ZNF317: variants seen among roughly 807,000 people sequenced by gnomAD.
ZNF317 encodes the protein zinc finger protein 317.
A neutral mutation model predicts 23.4 loss-of-function variants in ZNF317; 17 were observed. The ratio of observed to expected loss-of-function variants is 0.73; its 90% confidence interval spans 0.50 to 1.09. ZNF317 has a LOEUF of 1.09. Ranked by LOEUF, ZNF317 falls within the 50% of genes least tolerant of loss-of-function variation. ZNF317 has a pLI of 0.00. For synonymous variants in ZNF317, 317 were observed against 314.9 expected (o/e 1.01, Z -0.07); for missense variants, 679 against 796.7 (o/e 0.85, Z 1.78).
intron 1 of ZNF317, among the ~76,000 whole-genome samples, chr19:9,147,811 C>T (rs930819377): frequency 2.0e-5 from 3 of 152,096 alleles, no homozygotes; most frequent in Admixed American, 2.0e-4. Context: ...CTCTCTGATA[C>T]AGTTTGGATG....
rs368941347 is a variant in ZNF317 at position 9,146,200 on chromosome 19, A to G, written c.-93+5608A>G. Among the ~76,000 whole-genome samples the G allele has an allele frequency of 5.5e-4, 84 of 151,938 alleles. 1 individual carries two copies. Among genetic ancestry groups the G allele is most frequent in the South Asian group, 3.5e-3 (17 of 4,814 alleles). On this transcript the variant is annotated intron_variant, in intron 1 of 6. Coordinates refer to ENST00000247956, the MANE Select transcript of ZNF317 (RefSeq NM_020933.5). ...TGTGTTGCATTTGAAATAGTTATGC[A>G]TGGAAGGTTTAATTGGGGCACCTAG...
intron 3 of ZNF317, 37 bp downstream of exon 3, chr19:9,156,785 G>A (rs777099801): frequency 6.2e-7 from 1 of 1,602,082 alleles, no homozygotes; most frequent in Non-Finnish European, 8.5e-7. Flanking sequence ...AGCAGGAGAG[G>A]CACTTCCTGG....
chr19:9,152,621 T>C (rs1393284122), intron 1 of ZNF317, among the ~76,000 whole-genome samples: 1 of 152,188 alleles, frequency 6.6e-6, no homozygotes, highest in Non-Finnish European at 1.5e-5. Context: ...TCCCATCACC[T>C]CCAGATGGGA....
At chr19:9,159,914 G>T (rs1258685791) in intron 6 of ZNF317, among the ~76,000 whole-genome samples, 200 bp from the exon 7 acceptor site, 1 of 152,220 alleles carries the variant, frequency 6.6e-6, no homozygotes, top group African/African-American at 2.4e-5. Flanking sequence ...CACATGTGGA[G>T]CCTTGTGGCC....
At chr19:9,154,085 C>G (rs1434976395) in intron 1 of ZNF317, among the ~76,000 whole-genome samples, 1 of 152,018 alleles carries the variant, frequency 6.6e-6, no homozygotes, top group Non-Finnish European at 1.5e-5. Flanking sequence ...GGGGATGGGC[C>G]TGGAGCAGAT....
At position 9,160,500 on chromosome 19, in the gene ZNF317, T is replaced by C. The variant is rs1310577218; in HGVS notation, c.855T>C (p.Asn285=). The change falls in exon 7 of 7, where the codon AAT becomes AAC. Residue 285 remains asparagine, a synonymous_variant. Coordinates refer to ENST00000247956, the MANE Select transcript of ZNF317 (RefSeq NM_020933.5). The surrounding 1 kb of genome is among the most constrained non-coding windows in gnomAD (Gnocchi z 6.8). Reference sequence around the variant, plus strand: ...CCTTTGACTGCAGTCAGTGTGGAAATGCATTCCGGACCCTCTCGGCCCTGA... The same window carrying C: ...CCTTTGACTGCAGTCAGTGTGGAAACGCATTCCGGACCCTCTCGGCCCTGA... The part of the protein sequence containing the change: ...EKPFDCSQCG[N]AFRTLSALKI... 1.2e-6 allele frequency: 2 copies of C among 1,613,954 alleles called. No homozygotes were observed. The highest frequency in any genetic ancestry group is 1.7e-6 in the Non-Finnish European group (2 of 1,179,988).
chr19:9,141,275 T>C (rs2050627356), intron 1 of ZNF317, among the ~76,000 whole-genome samples: 1 of 152,030 alleles, frequency 6.6e-6, no homozygotes, highest in South Asian at 2.1e-4. Flanking sequence ...AAAGTATGAT[T>C]ACACACACAC....
At position 9,151,213 on chromosome 19, in the gene ZNF317, G is replaced by A. The variant is rs532944258; in HGVS notation, c.-92-4712G>A. ...CAGTGACTTAATGTCAGAACCCAAAGGCACAATGACTAGAAAAGGGCTTTG... is the reference window on the plus strand; with the variant it reads ...CAGTGACTTAATGTCAGAACCCAAAAGCACAATGACTAGAAAAGGGCTTTG... On this transcript the variant is annotated intron_variant, in intron 1 of 6. Transcript: ENST00000247956. 2.6e-5 allele frequency among the ~76,000 whole-genome samples: 4 copies of A among 152,244 alleles called. No individual in the cohort carries two copies. The South Asian group carries it at 8.3e-4, about 32-fold the overall frequency.
At chr19:9,159,545 G>GT (rs374750547) in intron 6 of ZNF317, among the ~76,000 whole-genome samples, 8,767 of 146,424 alleles carry the variant, frequency 0.06, 276 homozygotes, top group Middle Eastern at 0.12. Flanking sequence ...TGTTGTTTTT[G>GT]TTTTTTGTTT....
chr19:9,146,578 C>T (rs2050685330), intron 1 of ZNF317, among the ~76,000 whole-genome samples: 1 of 151,816 alleles, frequency 6.6e-6, no homozygotes, highest in Admixed American at 6.6e-5. Context: ...CAGGCATGTG[C>T]CACCATGCCT....
intron 1 of ZNF317, among the ~76,000 whole-genome samples, chr19:9,141,747 T>C: frequency 6.6e-6 from 1 of 152,310 alleles, no homozygotes; most frequent in East Asian, 1.9e-4. Flanking sequence ...AGTTAATTGA[T>C]TTACATCATT....
chr19:9,157,372 C>T lies in ZNF317; in HGVS notation c.267C>T (p.Asn89=). Residue 89 remains asparagine, a synonymous_variant, in exon 4 of 7, where the codon AAC becomes AAT. Transcript: ENST00000247956. ...TGTACAAAGATGTAATGCTGGAGAA[C>T]TACAGCAACCTCACTTCACTGGGTA... ...RKLYKDVMLE[N]YSNLTSLGYQ... 1 of 1,614,056 alleles carries T rather than the reference C, an allele frequency of 6.2e-7. No individual in the cohort carries two copies.
In ZNF317 at chr19:9,161,014, G is replaced by A. The variant is rs746098165; in HGVS notation, c.1369G>A (p.Ala457Thr). ...GCDLCGKAFS[A>T]SSNLTAHRKI... is the part of the protein sequence containing the mutation. ...CGATCTCTGCGGGAAAGCTTTCAGC[G>A]CGAGTTCAAACCTCACCGCACACAG... Residue 457 changes from alanine (A) to threonine (T), a missense_variant, in exon 7 of 7, where the codon GCG becomes ACG. Physicochemically the swap from Ala to Thr is moderately conservative, Grantham distance 58 (BLOSUM62 0). Coordinates refer to ENST00000247956, the MANE Select transcript of ZNF317 (RefSeq NM_020933.5). This position sits in a 1 kb window ranked among gnomAD's most constrained non-coding sequence, Gnocchi z 4.0. The A allele has an allele frequency of 3.7e-6, 6 of 1,614,168 alleles. No individual in the cohort carries two copies. Among genetic ancestry groups the A allele is most frequent in the East Asian group, 4.5e-5 (2 of 44,860 alleles).
At chr19:9,155,222 G>C (rs1469134616) in intron 1 of ZNF317, among the ~76,000 whole-genome samples, 1 of 152,058 alleles carries the variant, frequency 6.6e-6, no homozygotes, top group Non-Finnish European at 1.5e-5. Flanking sequence ...TTTAGAGACA[G>C]AATCTTACTC....
intron 6 of ZNF317, among the ~76,000 whole-genome samples, chr19:9,159,366 AC>A (rs1361827324): frequency 2.0e-5 from 3 of 151,974 alleles, no homozygotes; most frequent in African/African-American, 4.8e-5. Context: ...GTGCCACCAC[AC>A]TTGGCTGATT....
At chr19:9,141,051 A>C (rs2050625048) in intron 1 of ZNF317, among the ~76,000 whole-genome samples, 1 of 151,016 alleles carries the variant, frequency 6.6e-6, no homozygotes, top group Non-Finnish European at 1.5e-5. Context: ...TTCTGGTTGC[A>C]CTTTTTTATT....
At chr19:9,148,811 G>C (rs1040324403) in intron 1 of ZNF317, among the ~76,000 whole-genome samples, 2 of 152,176 alleles carry the variant, frequency 1.3e-5, no homozygotes, top group African/African-American at 4.8e-5. Flanking sequence ...ATGCTTACCC[G>C]GTGTTCTGTG....
Position 9,160,247 on chromosome 19 carries a change from T to C in ZNF317, c.602T>C (p.Val201Ala), listed in dbSNP as rs940198305. The C allele has an allele frequency of 3.7e-6, 6 of 1,613,820 alleles. No individual in the cohort carries two copies. The highest frequency in any genetic ancestry group is 4.2e-6 in the Non-Finnish European group (5 of 1,179,998). The change falls in exon 7 of 7, where the codon GTA becomes GCA. Residue 201 changes from valine to alanine, a missense_variant. Val to Ala is a moderately conservative substitution (Grantham distance 64). Transcript: ENST00000247956. This position sits in a 1 kb window ranked among gnomAD's most constrained non-coding sequence, Gnocchi z 6.8. ...KRPYHRRDYGVAFKGRPHLTQ... is the reference protein window; with the variant it reads ...KRPYHRRDYGAAFKGRPHLTQ... ...CCCTATCACCGCCGCGACTATGGGG[T>C]AGCGTTCAAGGGCAGGCCGCACCTC...
At chr19:9,158,728 C>T in intron 5 of ZNF317, 98 bp from the exon 6 acceptor site, 1 of 808,896 alleles carries the variant, frequency 1.2e-6, no homozygotes, top group Non-Finnish European at 2.1e-6. Flanking sequence ...CTTTTCCTTA[C>T]ATAGCCTTAG....
Sources: allele counts gnomAD v4.1 joint callset (sites outside exome capture counted in the v4.1 genomes callset), GRCh38; gene constraint gnomAD v4.1.1; non-coding constraint Gnocchi (gnomAD v3.1); transcripts MANE v1.5; gene names NCBI Gene and HGNC (gene_info 2026-07-23, HGNC 2026-07-21).